DAB1: variants seen among roughly 807,000 people sequenced by gnomAD.
The protein encoded by DAB1 is DAB adaptor protein 1.
A neutral mutation model predicts 64.6 loss-of-function variants in DAB1; 15 were observed. The observed-to-expected ratio is 0.23, with a 90% CI of 0.16 to 0.36. The LOEUF (loss-of-function observed/expected upper bound fraction) is 0.36, where lower values mean the gene tolerates loss of function less well. Among genes scored for constraint, DAB1 ranks in the 10% least tolerant of loss-of-function variants. The pLI, the probability that DAB1 is intolerant of heterozygous loss-of-function variation, is 1.00. For synonymous variants in DAB1, 235 were observed against 251.9 expected (o/e 0.93, Z 0.64); for missense variants, 596 against 706.7 (o/e 0.84, Z 1.78).
At chr1:58,432,933 C>T (rs1453660738) in intron 3 of DAB1, among the ~76,000 whole-genome samples, 1 of 152,250 alleles carries the variant, frequency 6.6e-6, no homozygotes, top group Admixed American at 6.5e-5. Context: ...GAGGGCTGGC[C>T]CCTCCTGCTG....
At chr1:57,971,390 T>C (rs529987915) in intron 5 of DAB1, among the ~76,000 whole-genome samples, 1 of 152,316 alleles carries the variant, frequency 6.6e-6, no homozygotes, top group South Asian at 2.1e-4. Context: ...CTGATTTTCA[T>C]GACTATCCTT....
chr1:57,285,226 A>G (rs1338403207), intron 2 of DAB1, among the ~76,000 whole-genome samples: 1 of 152,066 alleles, frequency 6.6e-6, no homozygotes, highest in East Asian at 1.9e-4. Flanking sequence ...TGCAGACCCC[A>G]AGCTAGCTCT....
chr1:57,777,638 T>C lies in DAB1; in HGVS notation n.551+106361A>G, dbSNP rs181954038. On this transcript the variant is annotated intron_variant and non_coding_transcript_variant, in intron 6 of 20. Transcript: ENST00000485760. ...AAGTTTTACTTGATTCTTTTATTTA[T>C]ATAGTACATTTGTATCCTCTTAATG... is the stretch of plus-strand genomic sequence containing the variant. 1.5e-3 allele frequency among the ~76,000 whole-genome samples: 227 copies of C among 152,174 alleles called. 1 individual carries two copies. Among genetic ancestry groups the C allele is most frequent in the Non-Finnish European group, 2.9e-3 (198 of 67,958 alleles).
In DAB1 at chr1:57,415,138, G is replaced by A. The variant is rs552128698; in HGVS notation, c.-137+8792C>T. On this transcript the variant is annotated intron_variant, in intron 1 of 14. Transcript: ENST00000371236. The stretch of plus-strand genomic sequence containing the variant: ...TCATTAAAAAGCTATAATAAAGTTT[G>A]GTTAGGGCAAAAGAGTGGCTAAAAC... Among the ~76,000 whole-genome samples, 4 of 151,984 alleles carry A rather than the reference G, an allele frequency of 2.6e-5. No homozygotes were observed. The South Asian group carries it at 8.3e-4, about 32-fold the overall frequency.
rs143106223 is a variant in DAB1, at chr1:57,852,777, C to G, written n.88-26322G>C. The stretch of plus-strand genomic sequence containing the variant: ...GTTTCTCATTTACATTTATTATTAT[C>G]TGTCACACTTACACTTATTATTTAT... On this transcript the variant is annotated intron_variant and non_coding_transcript_variant, in intron 1 of 1. Transcript: ENST00000477280. 7.4e-4 allele frequency among the ~76,000 whole-genome samples: 113 copies of G among 152,214 alleles called. 4 individuals carry two copies. The South Asian group carries it at 0.016, about 22-fold the overall frequency.
chr1:57,105,345 CAGA>C (rs937668318), intron 4 of DAB1, among the ~76,000 whole-genome samples: 5 of 151,878 alleles, frequency 3.3e-5, no homozygotes, highest in Admixed American at 6.6e-5. Context: ...TCAAAGAGCC[CAGA>C]AGAGAAAAAG....
chr1:57,043,455 C>T (rs926922419), intron 9 of DAB1, among the ~76,000 whole-genome samples: 8 of 152,190 alleles, frequency 5.3e-5, no homozygotes, highest in Non-Finnish European at 5.9e-5. Context: ...TGCCTCTCTC[C>T]CTCTTCTCTG....
chr1:57,740,552 G>A (rs1647936014), intron 6 of DAB1, among the ~76,000 whole-genome samples: 1 of 152,198 alleles, frequency 6.6e-6, no homozygotes, highest in South Asian at 2.1e-4. Context: ...ATTACATAAT[G>A]GTTAGGAGCA....
intron 3 of DAB1, among the ~76,000 whole-genome samples, chr1:58,442,629 C>T (rs1052924102): frequency 6.6e-6 from 1 of 152,184 alleles, no homozygotes; most frequent in African/African-American, 2.4e-5. Context: ...CCAATAAGCT[C>T]AGAAAAACCT....
intron 5 of DAB1, among the ~76,000 whole-genome samples, chr1:58,105,554 A>G (rs959641401): frequency 1.3e-5 from 2 of 152,194 alleles, no homozygotes; most frequent in Non-Finnish European, 2.9e-5. Flanking sequence ...CGATGCAAAC[A>G]TGAGGAGTTC....
intron 4 of DAB1, among the ~76,000 whole-genome samples, chr1:58,258,366 G>T (rs569599954): frequency 6.6e-6 from 1 of 152,332 alleles, no homozygotes; most frequent in South Asian, 2.1e-4. Flanking sequence ...CTTTTAAACC[G>T]ACAGCCTGAG....
rs1025688511 is a variant in DAB1 at position 56,996,423 on chromosome 1, A to G, written c.*1721T>C. The stretch of plus-strand genomic sequence containing the variant: ...AATTCTCTGTAGGGCAAAAATATAT[A>G]GATTCTTTATGAAAATCATGTGCTA... On this transcript the variant is annotated 3_prime_UTR_variant, in exon 15 of 15. Transcript: ENST00000371236. The G allele has an allele frequency of 4.6e-5, 7 of 152,198 alleles. No homozygotes were observed. The highest frequency in any genetic ancestry group is 1.7e-4 in the African/African-American group (7 of 41,446). The allele number at this position is 152,198 out of a possible 1,614,324, so 9.4% of individuals were successfully genotyped here.
chr1:57,213,935 C>T (rs197603), intron 2 of DAB1, among the ~76,000 whole-genome samples: 53,063 of 152,052 alleles, frequency 0.35, 9,871 homozygotes, highest in Middle Eastern at 0.44. Context: ...GGGTCTTAGA[C>T]ATGAGTCAGA....
At chr1:58,190,370 C>A (rs1446833837) in intron 4 of DAB1, among the ~76,000 whole-genome samples, 1 of 152,148 alleles carries the variant, frequency 6.6e-6, no homozygotes, top group Non-Finnish European at 1.5e-5. Context: ...CGTGGTGAAC[C>A]AGCTCACCTT....
chr1:58,526,976 A>G (rs928535442), intron 2 of DAB1, among the ~76,000 whole-genome samples: 4 of 152,164 alleles, frequency 2.6e-5, no homozygotes, highest in South Asian at 2.1e-4. Context: ...ATTATTTCCA[A>G]TCAAGAACTG....
chr1:57,798,269 G>A (rs141292116), intron 6 of DAB1, among the ~76,000 whole-genome samples: 68 of 152,312 alleles, frequency 4.5e-4, no homozygotes, highest in Non-Finnish European at 8.1e-4. Flanking sequence ...AGAGAGCTGC[G>A]GTGACTTGCT....
At chr1:58,301,808 A>C (rs971303768) in intron 4 of DAB1, among the ~76,000 whole-genome samples, 1 of 152,170 alleles carries the variant, frequency 6.6e-6, no homozygotes. Context: ...AAAAACGGTT[A>C]ATCTTACTGT....
At chr1:58,460,445 A>G (rs1265225746) in intron 3 of DAB1, among the ~76,000 whole-genome samples, 1 of 152,164 alleles carries the variant, frequency 6.6e-6, no homozygotes, top group Non-Finnish European at 1.5e-5. Flanking sequence ...ACGGAGAAAC[A>G]TTTCCAAAAT....
chr1:57,086,644 A>AACACACACAC (rs368060919), intron 4 of DAB1, among the ~76,000 whole-genome samples: 4,279 of 118,506 alleles, frequency 0.036, 117 homozygotes, highest in African/African-American at 0.05. Context: ...TTCTGTCTTA[A>AACACACACAC]ACACACACAC....
Sources: allele counts gnomAD v4.1 joint callset (sites outside exome capture counted in the v4.1 genomes callset), GRCh38; gene constraint gnomAD v4.1.1; transcripts MANE v1.5; gene names NCBI Gene and HGNC (gene_info 2026-07-23, HGNC 2026-07-21).